Variants in PRKAR1A observed in about 807,000 individuals in gnomAD.
The protein encoded by PRKAR1A is cAMP-dependent protein kinase type I-alpha regulatory subunit.
PRKAR1A carries 3 observed loss-of-function variants against 52.0 expected under a neutral mutation model. That is an observed-to-expected ratio of 0.06 (90% CI 0.03 to 0.15). PRKAR1A has a LOEUF of 0.15. PRKAR1A is among the 10% of genes least tolerant of loss of function. The pLI is 1.00. For synonymous variants in PRKAR1A, 188 were observed against 168.4 expected, an observed-to-expected ratio of 1.12 and a Z score of -0.90; for missense variants, 240 against 477.4, an observed-to-expected ratio of 0.50 and a Z score of 4.63.
the PRKAR1A span, among the ~76,000 whole-genome samples, chr17:68,454,339 A>C: frequency 1.8e-4 from 27 of 152,360 alleles, no homozygotes; most frequent in African/African-American, 6.5e-4. Context: ...TAAGCAACTT[A>C]CTATTACAAG....
the PRKAR1A span, among the ~76,000 whole-genome samples, chr17:68,427,803 TG>T: frequency 6.6e-6 from 1 of 152,116 alleles, no homozygotes; most frequent in Non-Finnish European, 1.5e-5. Context: ...CAGCCATCGG[TG>T]GGGGGCGGTG....
Position 68,531,470 on chromosome 17 carries a change from C to T in PRKAR1A, c.*1021C>T. 9 of 1,066,140 alleles carry T rather than the reference C, an allele frequency of 8.4e-6. No homozygotes were observed. Among genetic ancestry groups the T allele is most frequent in the Non-Finnish European group, 1.0e-5 (9 of 879,574 alleles). The allele number at this position is 1,066,140 out of a possible 1,614,324, so 66.0% of individuals were successfully genotyped here. Reference sequence around the variant, plus strand: ...GGTGATGCTGCTAAAGGGAGAAATGCCAGGCGGACAAAGTTCAGTGTCGGG... The same window carrying T: ...GGTGATGCTGCTAAAGGGAGAAATGTCAGGCGGACAAAGTTCAGTGTCGGG... On this transcript the variant is annotated 3_prime_UTR_variant, in exon 11 of 11. Coordinates refer to ENST00000589228, the MANE Select transcript of PRKAR1A (RefSeq NM_002734.5).
At chr17:68,421,243 C>A in the PRKAR1A span, 1 of 141,768 alleles carries the variant, frequency 7.1e-6, no homozygotes, top group Admixed American at 7.6e-5. Flanking sequence ...TCCCCTATAA[C>A]CACAAGGAAA....
chr17:68,436,206 G>A, the PRKAR1A span, among the ~76,000 whole-genome samples: 1 of 152,286 alleles, frequency 6.6e-6, no homozygotes, highest in African/African-American at 2.4e-5. Flanking sequence ...CTTATGGTGA[G>A]GTTGACTCAC....
chr17:68,547,431 A>G (rs905688577), intron 11 of PRKAR1A, among the ~76,000 whole-genome samples: 1 of 152,140 alleles, frequency 6.6e-6, no homozygotes, highest in African/African-American at 2.4e-5. Flanking sequence ...TTCTTCCAAT[A>G]GAAGGCTGTT....
chr17:68,549,638 C>G (rs2086740713), intron 11 of PRKAR1A, among the ~76,000 whole-genome samples: 1 of 152,162 alleles, frequency 6.6e-6, no homozygotes, highest in Non-Finnish European at 1.5e-5. Context: ...TCCTGTTTCT[C>G]TATCAGTATT....
the PRKAR1A span, among the ~76,000 whole-genome samples, chr17:68,467,934 A>T: frequency 6.6e-6 from 1 of 152,056 alleles, no homozygotes; most frequent in African/African-American, 2.4e-5. Context: ...TTGCTCTGTC[A>T]CCCAGGCTGG....
the PRKAR1A span, among the ~76,000 whole-genome samples, chr17:68,441,802 GAGA>G: frequency 2.6e-5 from 4 of 152,210 alleles, no homozygotes; most frequent in African/African-American, 9.6e-5. Flanking sequence ...GGGAGCTCAG[GAGA>G]AGTTGAGGTG....
chr17:68,423,522 T>C, the PRKAR1A span, among the ~76,000 whole-genome samples: 1 of 152,218 alleles, frequency 6.6e-6, no homozygotes, highest in Admixed American at 6.5e-5. This position sits in a 1 kb window ranked among gnomAD's most constrained non-coding sequence, Gnocchi z 4.4. Context: ...ACACCTGTTC[T>C]AGGGACCTTG....
rs558427085 is a variant in PRKAR1A, at chr17:68,530,262, C to T, written c.974-15C>T. On this transcript the variant is annotated splice_polypyrimidine_tract_variant and intron_variant, in intron 10 of 10. Coordinates refer to ENST00000589228, the MANE Select transcript of PRKAR1A (RefSeq NM_002734.5). The stretch of plus-strand genomic sequence containing the variant: ...TCATAGAAGTTAGCCTGTTACCCAT[C>T]TTTGCTTTCTCCAGGTGAAATTGCA... 3.3e-5 allele frequency: 54 copies of T among 1,613,898 alleles called. 2 individuals carry two copies. The South Asian group carries it at 5.5e-4, about 16-fold the overall frequency.
the PRKAR1A span, chr17:68,435,733 T>C: frequency 1.2e-6 from 2 of 1,608,334 alleles, no homozygotes; most frequent in South Asian, 1.1e-5. Flanking sequence ...AAAGGAAAAA[T>C]GGATACAGAT....
the PRKAR1A span, among the ~76,000 whole-genome samples, chr17:68,481,464 C>T: frequency 1.3e-5 from 2 of 152,258 alleles, no homozygotes; most frequent in South Asian, 2.1e-4. Context: ...GATCATCAGG[C>T]ATTAGATTCT....
intron 11 of PRKAR1A, among the ~76,000 whole-genome samples, chr17:68,544,671 A>T (rs2086466447): frequency 6.6e-6 from 1 of 152,216 alleles, no homozygotes; most frequent in Non-Finnish European, 1.5e-5. Context: ...GTGCTGCCAA[A>T]AGTAGAGATT....
rs1406282279 is a variant in PRKAR1A, at chr17:68,533,052, G to C, written c.*2603G>C. ...TTTCCTTTTGATTGAAGACAGATTG[G>C]TTCTGTGGCCTTGGAACTTTCCCAG... On this transcript the variant is annotated 3_prime_UTR_variant, in exon 11 of 11. Coordinates refer to ENST00000589228, the MANE Select transcript of PRKAR1A (RefSeq NM_002734.5). 4 of 1,065,638 alleles carry C rather than the reference G, an allele frequency of 3.8e-6. No individual in the cohort carries two copies. Among genetic ancestry groups the C allele is most frequent in the Admixed American group, 5.3e-5 (1 of 18,754 alleles). 66.0% of individuals were successfully genotyped at this position (1,065,638 alleles called of 1,614,324 possible). A position where few individuals can be genotyped will look rare whatever the true frequency, so the allele number is the denominator to read the frequency against.
chr17:68,525,013 G>T, intron 6 of PRKAR1A, 55 bp downstream of exon 6: 1 of 1,391,642 alleles, frequency 7.2e-7, no homozygotes, highest in South Asian at 1.2e-5. Context: ...TGTATTGATC[G>T]CTTCCGAGCA....
chr17:68,449,624 C>T, the PRKAR1A span, among the ~76,000 whole-genome samples: 7 of 152,186 alleles, frequency 4.6e-5, no homozygotes, highest in African/African-American at 1.7e-4. Context: ...ACCCCCCACC[C>T]GTCTCTTGGT....
At chr17:68,524,142 G>A (rs1187108513) in intron 5 of PRKAR1A, 65 bp downstream of exon 5, 1 of 1,566,894 alleles carries the variant, frequency 6.4e-7, no homozygotes, top group Non-Finnish European at 8.8e-7. Context: ...GATTTTTTTG[G>A]TTTTGTTTTA....
At chr17:68,448,418 G>A in the PRKAR1A span, 1 of 152,198 alleles carries the variant, frequency 6.6e-6, no homozygotes, top group Non-Finnish European at 1.5e-5. Context: ...TTGGTTCCGA[G>A]AACTGTTAGA....
At chr17:68,454,446 C>T in the PRKAR1A span, among the ~76,000 whole-genome samples, 1 of 152,190 alleles carries the variant, frequency 6.6e-6, no homozygotes, top group Non-Finnish European at 1.5e-5. Flanking sequence ...ATTTGTTCTT[C>T]CCTGGGACAC....
Sources: allele counts gnomAD v4.1 joint callset (sites outside exome capture counted in the v4.1 genomes callset), GRCh38; gene constraint gnomAD v4.1.1; non-coding constraint Gnocchi (gnomAD v3.1); transcripts MANE v1.5; gene names NCBI Gene and HGNC (gene_info 2026-07-23, HGNC 2026-07-21).